TXK: variants seen among roughly 807,000 people sequenced by gnomAD.
TXK encodes the protein tyrosine-protein kinase TXK.
In TXK, 60 loss-of-function variants were observed where a neutral mutation model predicts 81.0. That is an observed-to-expected ratio of 0.74 (90% CI 0.60 to 0.92). TXK has a LOEUF of 0.92. Ranked by LOEUF, TXK falls within the 40% of genes least tolerant of loss-of-function variation. The pLI is 0.00. For synonymous variants in TXK, 203 were observed against 210.7 expected (o/e 0.96, Z 0.32); for missense variants, 581 against 638.3 (o/e 0.91, Z 0.97).
At chr4:48,097,748 AT>A (rs564793266) in intron 6 of TXK, among the ~76,000 whole-genome samples, 10,681 of 114,294 alleles carry the variant, frequency 0.093, 1,311 homozygotes, top group African/African-American at 0.31. Context: ...AAGCTACCAC[AT>A]TTTTTTTTTT....
intron 11 of TXK, among the ~76,000 whole-genome samples, chr4:48,079,633 CCGGTTCTGTGTGAATTA>C (rs1717213580): frequency 6.6e-6 from 1 of 152,212 alleles, no homozygotes. Flanking sequence ...TCCTGCACAG[CCGGTTCTGTGTGAATTA>C]CTCTTTCTCT....
chr4:48,114,934 A>T (rs948331916), intron 1 of TXK, among the ~76,000 whole-genome samples: 1 of 151,928 alleles, frequency 6.6e-6, no homozygotes, highest in Non-Finnish European at 1.5e-5. Context: ...GAGGAGCTTT[A>T]AAAAAAATAT....
In TXK at chr4:48,086,640, G is replaced by A; in HGVS notation, c.785-3C>T. 1 of 1,610,844 alleles carries A rather than the reference G, an allele frequency of 6.2e-7. No individual in the cohort carries two copies. Among genetic ancestry groups the A allele is most frequent in the Non-Finnish European group, 8.5e-7 (1 of 1,178,626 alleles). On this transcript the variant is annotated splice_region_variant and splice_polypyrimidine_tract_variant and intron_variant, in intron 9 of 14. Coordinates refer to ENST00000264316, the MANE Select transcript of TXK (RefSeq NM_003328.3). ...AGATGGATCTATCTCCCACTTTTCT[G>A]AAAAAGTAAAACATCCATGTTACAA...
At chr4:48,130,483 C>G (rs1719223079) in intron 1 of TXK, among the ~76,000 whole-genome samples, 1 of 152,178 alleles carries the variant, frequency 6.6e-6, no homozygotes, top group African/African-American at 2.4e-5. Flanking sequence ...CCCAACAAAG[C>G]AGCCGGCGAT....
chr4:48,093,367 A>G (rs1405137223), intron 8 of TXK, among the ~76,000 whole-genome samples: 1 of 152,268 alleles, frequency 6.6e-6, no homozygotes, highest in Non-Finnish European at 1.5e-5. Context: ...ATGAAAAGTT[A>G]CCGTGGATTC....
Position 48,074,016 on chromosome 4 carries a change from C to T in TXK, c.1276G>A (p.Ala426Thr). The change falls in exon 13 of 15, where the codon GCC (alanine) becomes ACC (threonine). Residue 426 changes from alanine to threonine, a missense_variant. Ala to Thr is a moderately conservative substitution (Grantham distance 58). Transcript: ENST00000264316. ...LDDEYVSSFG[A>T]KFPIKWSPPE... ...GGGGACCACTTGATTGGGAACTTGG[C>T]TCCAAAAGAACTGACATACTCATCA... is the stretch of plus-strand genomic sequence containing the variant. 1 of 1,613,924 alleles carries T rather than the reference C, an allele frequency of 6.2e-7. No homozygotes were observed. The highest frequency in any genetic ancestry group is 1.1e-5 in the South Asian group (1 of 91,048).
intron 8 of TXK, among the ~76,000 whole-genome samples, chr4:48,090,656 A>G (rs1717729870): frequency 6.6e-6 from 1 of 152,218 alleles, no homozygotes; most frequent in Non-Finnish European, 1.5e-5. Flanking sequence ...CACTATCTAG[A>G]TGTTGGGAGA....
intron 6 of TXK, among the ~76,000 whole-genome samples, chr4:48,101,300 C>T (rs1718183895): frequency 6.6e-6 from 1 of 152,048 alleles, no homozygotes; most frequent in South Asian, 2.1e-4. Flanking sequence ...ATGTATCTAC[C>T]TGTTTGCAAA....
intron 14 of TXK, among the ~76,000 whole-genome samples, chr4:48,069,212 G>A (rs942004576): frequency 5.3e-5 from 8 of 152,100 alleles, no homozygotes; most frequent in Admixed American, 3.9e-4. Context: ...TGAGCTGGGC[G>A]GATTGCGTAA....
intron 1 of TXK, among the ~76,000 whole-genome samples, chr4:48,122,521 C>T (rs1718986314): frequency 6.6e-6 from 1 of 152,162 alleles, no homozygotes; most frequent in Admixed American, 6.5e-5. Flanking sequence ...CTTTTTCTTT[C>T]TTTTTTGGTG....
intron 6 of TXK, among the ~76,000 whole-genome samples, chr4:48,099,388 T>C (rs1237949431): frequency 6.6e-6 from 1 of 152,216 alleles, no homozygotes; most frequent in African/African-American, 2.4e-5. Flanking sequence ...TACCTATGGT[T>C]ATTTTTCCAA....
intron 6 of TXK, among the ~76,000 whole-genome samples, chr4:48,095,617 G>A (rs1038233349): frequency 6.6e-6 from 1 of 152,286 alleles, no homozygotes; most frequent in South Asian, 2.1e-4. Flanking sequence ...TGGAAGAAGA[G>A]CAACAAGGTG....
chr4:48,067,193 A>C lies in TXK; in HGVS notation c.*444T>G, dbSNP rs535781947. ...ACAGCCCAAAAACATGAAATTCTTC[A>C]AGGGAGTCCCCTTTATCCCATGAGT... is the stretch of plus-strand genomic sequence containing the variant. On this transcript the variant is annotated 3_prime_UTR_variant, in exon 15 of 15. Transcript: ENST00000264316. The C allele has an allele frequency of 1.3e-5, 2 of 157,392 alleles. No individual in the cohort carries two copies. Among genetic ancestry groups the C allele is most frequent in the South Asian group, 3.7e-4 (2 of 5,430 alleles). 9.7% of individuals were successfully genotyped at this position (157,392 alleles called of 1,614,324 possible). A position where few individuals can be genotyped will look rare whatever the true frequency, so the allele number is the denominator to read the frequency against.
chr4:48,111,982 C>A (rs1039725232), intron 4 of TXK, among the ~76,000 whole-genome samples: 6 of 152,154 alleles, frequency 3.9e-5, no homozygotes, highest in African/African-American at 1.4e-4. Context: ...GACAAATTCC[C>A]AAATGAAAGC....
At chr4:48,068,864 A>G (rs1244160850) in intron 14 of TXK, among the ~76,000 whole-genome samples, 1 of 152,244 alleles carries the variant, frequency 6.6e-6, no homozygotes, top group Non-Finnish European at 1.5e-5. Context: ...AGAAGACAGC[A>G]CAAGTGCAAG....
intron 6 of TXK, among the ~76,000 whole-genome samples, chr4:48,100,035 A>G (rs946694432): frequency 2.6e-5 from 4 of 151,174 alleles, no homozygotes; most frequent in Non-Finnish European, 5.9e-5. Flanking sequence ...AGCCGGGCGC[A>G]GTGGCGGGCG....
rs540000485 is a variant in TXK, at chr4:48,070,827, C to G, written c.1515+690G>C. On this transcript the variant is annotated intron_variant, in intron 14 of 14. Transcript: ENST00000264316. ...CTCCTGACCTCAAGTGATCTGGCCA[C>G]CTCGGCCTCCCAAAGTGCTGGGGTT... is the stretch of plus-strand genomic sequence containing the variant. Among the ~76,000 whole-genome samples the G allele has an allele frequency of 3.3e-4, 50 of 151,792 alleles. 1 individual carries two copies. In the South Asian group the frequency reaches 0.01, roughly 30 times the overall value.
At chr4:48,123,829 C>T (rs1265615045) in intron 1 of TXK, among the ~76,000 whole-genome samples, 2 of 152,120 alleles carry the variant, frequency 1.3e-5, no homozygotes, top group Non-Finnish European at 2.9e-5. Context: ...TTATATCTTC[C>T]CCCACTTTCA....
At chr4:48,115,413 A>C (rs1718775170) in intron 1 of TXK, among the ~76,000 whole-genome samples, 1 of 152,196 alleles carries the variant, frequency 6.6e-6, no homozygotes, top group Non-Finnish European at 1.5e-5. Context: ...GTATTCCATA[A>C]AACATAGGCT....
Sources: gnomAD v4.1 joint callset for allele counts (sites outside exome capture counted in the v4.1 genomes callset) on GRCh38, gnomAD v4.1.1 for gene constraint, MANE v1.5 for transcripts, NCBI Gene and HGNC (gene_info 2026-07-23, HGNC 2026-07-21) for gene names.